The following LRRIQ3 variants were observed in gnomAD, a reference collection of about 807,000 sequenced individuals.
The protein encoded by LRRIQ3 is leucine rich repeats and IQ motif containing 3.
In LRRIQ3, 75 loss-of-function variants were observed where a neutral mutation model predicts 59.3. The observed-to-expected ratio is 1.26, with a 90% CI of 1.05 to 1.53. The LOEUF (loss-of-function observed/expected upper bound fraction) is 1.53. Ranked by LOEUF, LRRIQ3 falls within the 40% of genes most tolerant of loss-of-function variation. The probability of loss-of-function intolerance (pLI) is 0.00; values close to 1 mark genes in which losing one functional copy is unlikely to be tolerated. For synonymous variants in LRRIQ3, 250 were observed against 231.3 expected, an observed-to-expected ratio of 1.08 and a Z score of -0.73; for missense variants, 831 against 710.0, an observed-to-expected ratio of 1.17 and a Z score of -1.94.
chr1:74,096,855 G>C (rs1349214570), intron 5 of LRRIQ3, among the ~76,000 whole-genome samples: 2 of 152,124 alleles, frequency 1.3e-5, no homozygotes, highest in Non-Finnish European at 2.9e-5. Context: ...GGAGGCTGCA[G>C]AACAGCAAAT....
intron 3 of LRRIQ3, among the ~76,000 whole-genome samples, chr1:74,170,789 T>G (rs761100851): frequency 5.3e-5 from 8 of 152,140 alleles, no homozygotes; most frequent in Non-Finnish European, 1.0e-4. Flanking sequence ...ACAATACTAA[T>G]TTTTTAGTCC....
chr1:74,183,763 GAGAT>G, intron 1 of LRRIQ3, 79 bp from the exon 2 acceptor site: 1 of 1,267,194 alleles, frequency 7.9e-7, no homozygotes, highest in South Asian at 1.8e-5. Context: ...ATTTTGCCAA[GAGAT>G]AGCGCAAGTA....
intron 4 of LRRIQ3, among the ~76,000 whole-genome samples, chr1:74,121,398 G>T (rs951744531): frequency 1.9e-4 from 29 of 152,140 alleles, no homozygotes; most frequent in African/African-American, 6.8e-4. Context: ...AAGGTGCAGA[G>T]GATTACGGCT....
At chr1:74,177,402 G>T (rs550021421) in intron 3 of LRRIQ3, among the ~76,000 whole-genome samples, 228 of 152,202 alleles carry the variant, frequency 1.5e-3, no homozygotes, top group African/African-American at 5.4e-3. Flanking sequence ...TTGTGATCAT[G>T]TAAGTTAATA....
chr1:74,118,093 T>G (rs1646801737), intron 4 of LRRIQ3, among the ~76,000 whole-genome samples: 1 of 152,032 alleles, frequency 6.6e-6, no homozygotes, highest in South Asian at 2.1e-4. Context: ...ACCAACCCTA[T>G]TAGAAAATAG....
rs1173191987 is a variant in LRRIQ3, at chr1:74,198,075, G to C, written c.-80C>G. On this transcript the variant is annotated 5_prime_UTR_variant, in exon 1 of 8. Coordinates refer to ENST00000354431, the MANE Select transcript of LRRIQ3 (RefSeq NM_001105659.2). ...ACACAGTCAGACAAATCGCTGGGCG[G>C]CCATCTGCTCCTGAGACCGTTGCTA... 9.1e-7 allele frequency: 1 copy of C among 1,097,444 alleles called. No homozygotes were observed. Among genetic ancestry groups the C allele is most frequent in the African/African-American group, 1.6e-5 (1 of 63,462 alleles). The allele number at this position is 1,097,444 out of a possible 1,614,324, so 68.0% of individuals were successfully genotyped here. A position where few individuals can be genotyped will look rare whatever the true frequency, so the allele number is the denominator to read the frequency against.
At chr1:74,118,287 A>G (rs555060769) in intron 4 of LRRIQ3, among the ~76,000 whole-genome samples, 40 of 152,300 alleles carry the variant, frequency 2.6e-4, no homozygotes, top group East Asian at 1.9e-3. Flanking sequence ...TCAAACGGAC[A>G]TAAACTTTTG....
At chr1:74,133,104 T>A (rs1451729207) in intron 4 of LRRIQ3, among the ~76,000 whole-genome samples, 1 of 151,954 alleles carries the variant, frequency 6.6e-6, no homozygotes, top group Non-Finnish European at 1.5e-5. Flanking sequence ...AACGGACACA[T>A]GAAAAAATGC....
At chr1:74,054,072 A>G (rs1012304234) in intron 6 of LRRIQ3, among the ~76,000 whole-genome samples, 5 of 152,312 alleles carry the variant, frequency 3.3e-5, no homozygotes, top group Admixed American at 6.5e-5. Flanking sequence ...CTGCACATGG[A>G]TATTTATATT....
At chr1:74,064,401 G>A (rs1198905860) in intron 6 of LRRIQ3, among the ~76,000 whole-genome samples, 2 of 151,796 alleles carry the variant, frequency 1.3e-5, no homozygotes, top group African/African-American at 4.8e-5. Flanking sequence ...TATACATATT[G>A]TTTTATTCAG....
intron 1 of LRRIQ3, among the ~76,000 whole-genome samples, chr1:74,195,323 T>C (rs879588828): frequency 6.6e-6 from 1 of 152,140 alleles, no homozygotes; most frequent in Non-Finnish European, 1.5e-5. Context: ...CAGCATGCAC[T>C]ACGAGCTCCA....
chr1:74,189,723 A>G (rs1349888792), intron 1 of LRRIQ3, among the ~76,000 whole-genome samples: 1 of 152,030 alleles, frequency 6.6e-6, no homozygotes, highest in African/African-American at 2.4e-5. Context: ...TTATAAGGGG[A>G]AACCCCTTTT....
At chr1:74,089,877 T>C (rs1646376426) in intron 5 of LRRIQ3, among the ~76,000 whole-genome samples, 1 of 152,048 alleles carries the variant, frequency 6.6e-6, no homozygotes, top group South Asian at 2.1e-4. Flanking sequence ...GTTGGCAATG[T>C]AGCTTCAGTA....
intron 7 of LRRIQ3, among the ~76,000 whole-genome samples, chr1:74,036,769 A>G (rs1389189164): frequency 6.6e-6 from 1 of 152,146 alleles, no homozygotes; most frequent in Non-Finnish European, 1.5e-5. Flanking sequence ...TTACTACTTG[A>G]ATTATTTGAA....
chr1:74,069,237 A>G (rs563288655), intron 6 of LRRIQ3, among the ~76,000 whole-genome samples: 1 of 152,156 alleles, frequency 6.6e-6, no homozygotes, highest in Non-Finnish European at 1.5e-5. Flanking sequence ...TGAAATGGCT[A>G]TAGAAGATTG....
intron 5 of LRRIQ3, among the ~76,000 whole-genome samples, chr1:74,088,168 T>A (rs1341806293): frequency 6.6e-6 from 1 of 152,020 alleles, no homozygotes; most frequent in Admixed American, 6.6e-5. Context: ...ATATGTCAAC[T>A]CTCAGAAACT....
At chr1:74,145,182 C>T (rs1419222392) in intron 4 of LRRIQ3, among the ~76,000 whole-genome samples, 1 of 152,124 alleles carries the variant, frequency 6.6e-6, no homozygotes, top group Non-Finnish European at 1.5e-5. Context: ...AGGCCACAGT[C>T]ATATGACTTA....
At chr1:74,159,940 T>C (rs1024774724) in intron 3 of LRRIQ3, among the ~76,000 whole-genome samples, 3 of 152,016 alleles carry the variant, frequency 2.0e-5, no homozygotes, top group African/African-American at 4.8e-5. Flanking sequence ...AATCACTAAA[T>C]TCTATCAAAT....
intron 6 of LRRIQ3, among the ~76,000 whole-genome samples, chr1:74,051,490 T>G (rs1195139251): frequency 1.3e-5 from 2 of 152,196 alleles, no homozygotes; most frequent in Non-Finnish European, 2.9e-5. Flanking sequence ...ATACTTAATA[T>G]TCCATATTAG....
Sources: allele counts gnomAD v4.1 joint callset (sites outside exome capture counted in the v4.1 genomes callset), GRCh38; gene constraint gnomAD v4.1.1; transcripts MANE v1.5; gene names NCBI Gene and HGNC (gene_info 2026-07-23, HGNC 2026-07-21).